The following UBE2E2 variants were observed in gnomAD, a reference collection of about 807,000 sequenced individuals.
UBE2E2 encodes the protein ubiquitin conjugating enzyme E2 E2.
UBE2E2 carries 6 observed loss-of-function variants against 24.7 expected under a neutral mutation model. The ratio of observed to expected loss-of-function variants is 0.24; its 90% CI spans 0.13 to 0.48. UBE2E2 has a LOEUF of 0.48. Ranked by LOEUF, UBE2E2 falls within the 20% of genes least tolerant of loss-of-function variation. The pLI is 0.99. For synonymous variants in UBE2E2, 104 were observed against 83.6 expected (o/e 1.24, Z -1.33); for missense variants, 169 against 245.0 (o/e 0.69, Z 2.07).
At chr3:23,298,608 T>G (rs1698980641) in intron 3 of UBE2E2, among the ~76,000 whole-genome samples, 1 of 151,982 alleles carries the variant, frequency 6.6e-6, no homozygotes, top group Admixed American at 6.6e-5. Context: ...TTGCATATAT[T>G]GAACCAGCCT....
At chr3:23,299,288 T>C (rs1699004660) in intron 3 of UBE2E2, among the ~76,000 whole-genome samples, 1 of 152,228 alleles carries the variant, frequency 6.6e-6, no homozygotes, top group African/African-American at 2.4e-5. Flanking sequence ...TTTCCTTCAG[T>C]TCTGCTCTGA....
At chr3:23,396,331 G>T (rs376538737) in intron 3 of UBE2E2, among the ~76,000 whole-genome samples, 1 of 143,088 alleles carries the variant, frequency 7.0e-6, no homozygotes, top group Non-Finnish European at 1.5e-5. Context: ...ATATATATAC[G>T]TATATATATA....
chr3:23,483,775 T>C (rs1325671439), intron 3 of UBE2E2, among the ~76,000 whole-genome samples: 1 of 152,368 alleles, frequency 6.6e-6, no homozygotes, highest in East Asian at 1.9e-4. Flanking sequence ...CATTAGATTC[T>C]GATTCATCTG....
At chr3:23,255,809 C>T (rs911592779) in intron 3 of UBE2E2, among the ~76,000 whole-genome samples, 4 of 152,150 alleles carry the variant, frequency 2.6e-5, no homozygotes, top group Non-Finnish European at 5.9e-5. Context: ...TCCAGCAAAG[C>T]AGCTTCTGGC....
At chr3:23,298,980 T>A (rs566552328) in intron 3 of UBE2E2, among the ~76,000 whole-genome samples, 26 of 152,360 alleles carry the variant, frequency 1.7e-4, no homozygotes, top group Admixed American at 1.6e-3. Context: ...GTTATTGGTC[T>A]ACTCAGAGAT....
intron 5 of UBE2E2, among the ~76,000 whole-genome samples, chr3:23,550,478 G>A (rs1461345935): frequency 6.6e-6 from 1 of 152,122 alleles, no homozygotes; most frequent in Non-Finnish European, 1.5e-5. Context: ...TATTATATTA[G>A]ATAACAAAAC....
intron 4 of UBE2E2, among the ~76,000 whole-genome samples, chr3:23,507,429 C>G (rs919759074): frequency 6.6e-6 from 1 of 152,194 alleles, no homozygotes; most frequent in Non-Finnish European, 1.5e-5. Context: ...TGATGTCACT[C>G]CTTTAATCTC....
chr3:23,513,889 A>G (rs1036924684), intron 4 of UBE2E2, among the ~76,000 whole-genome samples: 12 of 151,970 alleles, frequency 7.9e-5, no homozygotes, highest in African/African-American at 2.7e-4. Context: ...AAGAGTTTCC[A>G]TATAGAAACC....
At chr3:23,451,558 T>C (rs1698562824) in intron 3 of UBE2E2, among the ~76,000 whole-genome samples, 1 of 152,208 alleles carries the variant, frequency 6.6e-6, no homozygotes, top group Admixed American at 6.5e-5. Context: ...TAAGGAGTCT[T>C]GATTATGTAA....
intron 3 of UBE2E2, among the ~76,000 whole-genome samples, chr3:23,453,854 TA>T (rs1698619538): frequency 6.6e-6 from 1 of 152,172 alleles, no homozygotes; most frequent in Non-Finnish European, 1.5e-5. Flanking sequence ...AATATCTTGA[TA>T]GGGGAAGAAA....
intron 3 of UBE2E2, among the ~76,000 whole-genome samples, chr3:23,289,375 C>T (rs1225265289): frequency 6.6e-6 from 1 of 152,192 alleles, no homozygotes; most frequent in Non-Finnish European, 1.5e-5. Flanking sequence ...ATGATACCAG[C>T]TCAGTACAGT....
chr3:23,333,928 C>T (rs1020939455), intron 3 of UBE2E2, among the ~76,000 whole-genome samples: 1 of 152,118 alleles, frequency 6.6e-6, no homozygotes, highest in African/African-American at 2.4e-5. Flanking sequence ...TACTCAAGTT[C>T]AGATCATAGA....
At chr3:23,244,640 A>G (rs1258586024) in intron 3 of UBE2E2, among the ~76,000 whole-genome samples, 2 of 152,156 alleles carry the variant, frequency 1.3e-5, no homozygotes, top group Non-Finnish European at 2.9e-5. Flanking sequence ...TAATGCCTTT[A>G]TTGGGTGGTT....
At chr3:23,386,248 G>A (rs1696801811) in intron 3 of UBE2E2, among the ~76,000 whole-genome samples, 1 of 151,884 alleles carries the variant, frequency 6.6e-6, no homozygotes, top group South Asian at 2.1e-4. Context: ...CAGATTTGGT[G>A]TCTAGTGAGG....
At position 23,537,942 on chromosome 3, in the gene UBE2E2, A is replaced by G. The variant is rs192210737; in HGVS notation, c.508+5241A>G. 2.4e-3 allele frequency among the ~76,000 whole-genome samples: 373 copies of G among 152,314 alleles called. 3 individuals carry two copies. The highest frequency in any genetic ancestry group is 8.5e-3 in the African/African-American group (355 of 41,552). The stretch of plus-strand genomic sequence containing the variant: ...GAGCCGCTAGACTGATGAAAGGTAC[A>G]TATAACACCTCAGTAGGATTCTAGT... On this transcript the variant is annotated intron_variant, in intron 5 of 5. Transcript: ENST00000396703.
chr3:23,517,389 A>C (rs1694766518), intron 4 of UBE2E2, among the ~76,000 whole-genome samples: 1 of 152,180 alleles, frequency 6.6e-6, no homozygotes. Context: ...CATAAGCTTT[A>C]CACATCTCTC....
rs117208461 is a variant in UBE2E2 at position 23,237,481 on chromosome 3, A to G, written c.227+20169A>G. ...TCTCTTAATAAAGATTTTCCCTTTC[A>G]TCTGTTTGTAGAAGCCTCATCAGCT... On this transcript the variant is annotated intron_variant, in intron 3 of 5. Transcript: ENST00000396703. Among the ~76,000 whole-genome samples, 100 of 152,152 alleles carry G rather than the reference A, an allele frequency of 6.6e-4. 1 individual carries two copies. The East Asian group carries it at 0.016, about 25-fold the overall frequency.
At chr3:23,533,161 C>T (rs181931167) in intron 5 of UBE2E2, among the ~76,000 whole-genome samples, 115 of 152,230 alleles carry the variant, frequency 7.6e-4, no homozygotes, top group Non-Finnish European at 1.4e-3. Context: ...GCTATTATAA[C>T]GGTCCTGAAT....
chr3:23,581,182 A>T (rs1046043004), intron 5 of UBE2E2, among the ~76,000 whole-genome samples: 3 of 152,086 alleles, frequency 2.0e-5, no homozygotes, highest in Non-Finnish European at 4.4e-5. Context: ...GGGATCCTCC[A>T]GAGTAGCTGG....
Sources: allele counts gnomAD v4.1 joint callset (sites outside exome capture counted in the v4.1 genomes callset), GRCh38; gene constraint gnomAD v4.1.1; transcripts MANE v1.5; gene names NCBI Gene and HGNC (gene_info 2026-07-23, HGNC 2026-07-21).